Variants in ERO1B observed in about 807,000 individuals in gnomAD.
ERO1B encodes endoplasmic reticulum oxidoreductase 1 beta.
Under a neutral mutation model 75.3 loss-of-function variants are expected in ERO1B, and 49 were observed. The ratio of observed to expected loss-of-function variants is 0.65; its 90% CI spans 0.52 to 0.83. The LOEUF (loss-of-function observed/expected upper bound fraction) is 0.83. Ranked by LOEUF, ERO1B falls within the 40% of genes least tolerant of loss-of-function variation. The pLI, the probability that ERO1B is intolerant of heterozygous loss-of-function variation, is 0.00. For missense variants in ERO1B, 512 were observed against 560.1 expected (o/e 0.91, Z 0.87); for synonymous variants, 191 against 192.9 (o/e 0.99, Z 0.08).
At chr1:236,275,046 T>C (rs1038416163) in intron 1 of ERO1B, among the ~76,000 whole-genome samples, 3 of 152,138 alleles carry the variant, frequency 2.0e-5, no homozygotes, top group South Asian at 2.1e-4. Context: ...CCCCATGTTT[T>C]TGAGGAATAA....
chr1:236,278,563 A>G (rs1440385936), intron 1 of ERO1B, among the ~76,000 whole-genome samples: 1 of 152,126 alleles, frequency 6.6e-6, no homozygotes, highest in Non-Finnish European at 1.5e-5. Context: ...GGACTGGTAT[A>G]GCACTATTTA....
intron 4 of ERO1B, chr1:236,251,541 C>G (rs1343519645): frequency 3.7e-6 from 3 of 811,480 alleles, no homozygotes; most frequent in Non-Finnish European, 3.0e-6. Context: ...GTATGATGAT[C>G]TTTATTATGG....
intron 1 of ERO1B, among the ~76,000 whole-genome samples, chr1:236,277,359 G>T (rs187651225): frequency 6.6e-6 from 1 of 150,522 alleles, no homozygotes; most frequent in African/African-American, 2.5e-5. Flanking sequence ...AACTGAGATC[G>T]AGCCACTGCT....
intron 2 of ERO1B, among the ~76,000 whole-genome samples, chr1:236,268,703 G>C (rs528753346): frequency 1.3e-5 from 2 of 151,298 alleles, no homozygotes; most frequent in Non-Finnish European, 3.0e-5. Context: ...TGGCTAACAT[G>C]GTGAAACCCC....
chr1:236,263,735 T>C (rs1287522986), intron 2 of ERO1B, among the ~76,000 whole-genome samples: 1 of 151,458 alleles, frequency 6.6e-6, no homozygotes, highest in Non-Finnish European at 1.5e-5. Flanking sequence ...CTATATATCT[T>C]ATCTGTTTTA....
At chr1:236,250,062 C>T (rs2477598) in intron 4 of ERO1B, 95 bp from the exon 5 acceptor site, 189,441 of 694,628 alleles carry the variant, frequency 0.27, 26,821 homozygotes, top group East Asian at 0.35. Context: ...CAATGATATA[C>T]ACTAAATATA....
intron 1 of ERO1B, among the ~76,000 whole-genome samples, chr1:236,280,716 C>T (rs2102969930): frequency 6.6e-6 from 1 of 152,298 alleles, no homozygotes; most frequent in Admixed American, 6.5e-5. Context: ...CACTCAGAGT[C>T]ACCTTCAATT....
chr1:236,253,360 G>A (rs949312604), intron 3 of ERO1B, 62 bp downstream of exon 3: 2 of 967,128 alleles, frequency 2.1e-6, no homozygotes, highest in East Asian at 2.5e-5. Context: ...TAAAATAGAG[G>A]TTATGCTTTT....
chr1:236,265,694 T>C (rs1247604495), intron 2 of ERO1B, among the ~76,000 whole-genome samples: 1 of 152,176 alleles, frequency 6.6e-6, no homozygotes, highest in Non-Finnish European at 1.5e-5. Flanking sequence ...CCAGCATCCT[T>C]ACATGGTCAA....
chr1:236,279,401 G>T (rs868323109), intron 1 of ERO1B, among the ~76,000 whole-genome samples: 1 of 148,848 alleles, frequency 6.7e-6, no homozygotes, highest in Non-Finnish European at 1.5e-5. Flanking sequence ...TACTCGGGAG[G>T]CTGAGACAGA....
chr1:236,271,779 T>C (rs960560438), intron 1 of ERO1B, among the ~76,000 whole-genome samples: 2 of 152,116 alleles, frequency 1.3e-5, no homozygotes, highest in African/African-American at 2.4e-5. Context: ...GTTTTTGTTT[T>C]GTTATCAATT....
At chr1:236,261,165 G>A (rs995054654) in intron 2 of ERO1B, among the ~76,000 whole-genome samples, 4 of 152,036 alleles carry the variant, frequency 2.6e-5, no homozygotes, top group Non-Finnish European at 4.4e-5. Flanking sequence ...ATGTACCCCA[G>A]CATAATAAAG....
chr1:236,236,713 A>G (rs1664556831), intron 6 of ERO1B, among the ~76,000 whole-genome samples: 1 of 152,224 alleles, frequency 6.6e-6, no homozygotes, highest in Non-Finnish European at 1.5e-5. Context: ...TTAACCACCC[A>G]GGATTGAAAA....
intron 10 of ERO1B, among the ~76,000 whole-genome samples, chr1:236,228,996 A>G (rs1210860273): frequency 6.6e-6 from 1 of 152,226 alleles, no homozygotes; most frequent in Non-Finnish European, 1.5e-5. Context: ...CACAATTTGT[A>G]TCTTTAGAGT....
intron 9 of ERO1B, among the ~76,000 whole-genome samples, chr1:236,231,515 A>G (rs1558507784): frequency 6.6e-6 from 1 of 152,038 alleles, no homozygotes; most frequent in South Asian, 2.1e-4. Context: ...AAAAAAAAAA[A>G]AAGAACCATT....
chr1:236,241,327 T>C (rs1441182760), intron 6 of ERO1B, among the ~76,000 whole-genome samples: 3 of 152,116 alleles, frequency 2.0e-5, no homozygotes, highest in African/African-American at 7.2e-5. Context: ...ACGGATCACC[T>C]GAGGTCAGGA....
At chr1:236,270,689 T>C (rs945236719) in intron 1 of ERO1B, among the ~76,000 whole-genome samples, 1 of 152,172 alleles carries the variant, frequency 6.6e-6, no homozygotes, top group Non-Finnish European at 1.5e-5. Context: ...ATGGAACTCA[T>C]TGACTGATAT....
At position 236,279,015 on chromosome 1, in the gene ERO1B, A is replaced by G. The variant is rs76632724; in HGVS notation, c.102+2667T>C. Among the ~76,000 whole-genome samples, 1,035 of 152,320 alleles carry G rather than the reference A, an allele frequency of 6.8e-3. 13 individuals are homozygous for G. The highest frequency in any genetic ancestry group is 0.023 in the African/African-American group (951 of 41,558). On this transcript the variant is annotated intron_variant, in intron 1 of 15. Coordinates refer to ENST00000354619, the MANE Select transcript of ERO1B (RefSeq NM_019891.4). ...CCACTTTTTGATTTTCCTATTTTCC[A>G]TCTCTTTTTCTATACTAGAGAGAAC...
At chr1:236,219,338 CCT>C (rs1250054872) in intron 15 of ERO1B, among the ~76,000 whole-genome samples, 1 of 152,038 alleles carries the variant, frequency 6.6e-6, no homozygotes, top group Non-Finnish European at 1.5e-5. Flanking sequence ...CTTTAGGACC[CCT>C]GATTCTGAGT....
Sources: gnomAD v4.1 joint callset for allele counts (sites outside exome capture counted in the v4.1 genomes callset) on GRCh38, gnomAD v4.1.1 for gene constraint, MANE v1.5 for transcripts, NCBI Gene and HGNC (gene_info 2026-07-23, HGNC 2026-07-21) for gene names.